OTOA: variants seen among roughly 807,000 people sequenced by gnomAD.
OTOA encodes cancer/testis antigen 108.
OTOA carries 70 observed loss-of-function variants against 110.8 expected under a neutral mutation model. The ratio of observed to expected loss-of-function variants is 0.63; its 90% confidence interval spans 0.52 to 0.77. The LOEUF (loss-of-function observed/expected upper bound fraction) is 0.77, where lower values mean the gene tolerates loss of function less well. Ranked by LOEUF, OTOA falls within the 30% of genes least tolerant of loss-of-function variation. OTOA has a pLI of 0.00. For missense variants in OTOA, 917 were observed against 1,075.8 expected, an observed-to-expected ratio of 0.85 and a Z score of 2.06; for synonymous variants, 373 against 431.5, an observed-to-expected ratio of 0.86 and a Z score of 1.68.
rs464674 is a variant in OTOA at position 21,736,703 on chromosome 16, T to C, written c.2431+313T>C. Among the ~76,000 whole-genome samples, 21,351 of 148,986 alleles carry C rather than the reference T, an allele frequency of 0.14. 2,047 individuals are homozygous for C. The highest frequency in any genetic ancestry group is 0.32 in the East Asian group (1,399 of 4,426). On this transcript the variant is annotated intron_variant, in intron 22 of 28. Coordinates refer to ENST00000646100, the MANE Select transcript of OTOA (RefSeq NM_144672.4). ...AAAATTAGCCGGGTGTGGTGGTGCA[T>C]ACCTGTAGTCTCAGCTACTCAGGAG... is the stretch of plus-strand genomic sequence containing the variant.
chr16:21,699,678 G>A (rs978526360), intron 10 of OTOA, among the ~76,000 whole-genome samples: 4 of 152,130 alleles, frequency 2.6e-5, no homozygotes, highest in Non-Finnish European at 4.4e-5. Flanking sequence ...CAGCACTTTG[G>A]GAGGCTGAGG....
At chr16:21,689,086 G>C (rs944497268) in intron 8 of OTOA, among the ~76,000 whole-genome samples, 4 of 152,050 alleles carry the variant, frequency 2.6e-5, no homozygotes, top group Non-Finnish European at 5.9e-5. Flanking sequence ...CCAAATTCGA[G>C]GATTGTGTCT....
At chr16:21,722,780 A>C in intron 17 of OTOA, 125 bp from the exon 18 acceptor site, 1 of 811,458 alleles carries the variant, frequency 1.2e-6, no homozygotes, top group Non-Finnish European at 2.1e-6. Context: ...TACTTACATC[A>C]TAGGGTGCTC....
At chr16:21,695,891 A>ATATATATTTTTTTTT (rs569493650) in intron 9 of OTOA, among the ~76,000 whole-genome samples, 2 of 41,898 alleles carry the variant, frequency 4.8e-5, no homozygotes, top group African/African-American at 1.5e-4. Context: ...ATATATATAT[A>ATATATATTTTTTTTT]TTTTTTTTTT....
chr16:21,714,985 G>C lies in OTOA; in HGVS notation c.1321G>C (p.Val441Leu), dbSNP rs771476051. Reference sequence around the variant, plus strand: ...GACTGCGCAGCCGCTCCTCTTCCAGGTGCTGTCTTTCTACAATGTCAGCCA... The same window carrying C: ...GACTGCGCAGCCGCTCCTCTTCCAGCTGCTGTCTTTCTACAATGTCAGCCA... ...LSAKYLAHEKVLSFYNVSQMG... is the reference protein window; with the variant it reads ...LSAKYLAHEKLLSFYNVSQMG... Residue 441 changes from valine (V) to leucine (L), a missense_variant and splice_region_variant, in exon 14 of 29, where the codon GTG becomes CTG. Transcript: ENST00000646100. The C allele has an allele frequency of 1.2e-6, 2 of 1,614,010 alleles. No individual in the cohort carries two copies. Among genetic ancestry groups the C allele is most frequent in the East Asian group, 4.5e-5 (2 of 44,896 alleles).
intron 21 of OTOA, among the ~76,000 whole-genome samples, chr16:21,731,220 G>A (rs1010681464): frequency 1.3e-5 from 2 of 152,186 alleles, no homozygotes; most frequent in Admixed American, 6.5e-5. Flanking sequence ...TCACACGCAC[G>A]TCTGTTCTGG....
intron 1 of OTOA, among the ~76,000 whole-genome samples, chr16:21,676,474 A>T (rs749245028): frequency 3.9e-5 from 6 of 152,108 alleles, no homozygotes; most frequent in Admixed American, 1.3e-4. Context: ...TTGGCCTATC[A>T]TGGAGGCAAT....
At chr16:21,681,947 AG>A (rs1966900034) in intron 6 of OTOA, 122 bp downstream of exon 6, 2 of 906,518 alleles carry the variant, frequency 2.2e-6, no homozygotes, top group Non-Finnish European at 1.8e-6. Flanking sequence ...TGCAAGGAAA[AG>A]GGTTCTGTCC....
intron 14 of OTOA, 43 bp from the exon 15 acceptor site, chr16:21,716,864 G>A: frequency 6.2e-7 from 1 of 1,611,960 alleles, no homozygotes; most frequent in South Asian, 1.1e-5. Flanking sequence ...AAAGCTCAAT[G>A]CATTTTTTAC....
At position 21,695,891 on chromosome 16, in the gene OTOA, A is replaced by ATATATATATTTTTTT. The variant is rs569493650; in HGVS notation, c.740-1883_740-1882insATATATATTTTTTTT. Among the ~76,000 whole-genome samples the ATATATATATTTTTTT allele has an allele frequency of 1.4e-4, 6 of 41,896 alleles. 1 individual carries two copies. The highest frequency in any genetic ancestry group is 5.8e-4 in the African/African-American group (4 of 6,838). The allele number at this position is 41,896 out of a possible 152,430, so 27.5% of individuals were successfully genotyped here. A position where few individuals can be genotyped will look rare whatever the true frequency, so the allele number is the denominator to read the frequency against. ...GATATATATATATATATATATATAT[A>ATATATATATTTTTTT]TTTTTTTTTTTTTTTTTTTCTGAGA... On this transcript the variant is annotated intron_variant, in intron 9 of 28. Coordinates refer to ENST00000646100, the MANE Select transcript of OTOA (RefSeq NM_144672.4).
chr16:21,723,058 C>T (rs1898808736), intron 18 of OTOA, 80 bp downstream of exon 18: 3 of 1,473,018 alleles, frequency 2.0e-6, no homozygotes, highest in Admixed American at 3.4e-5. Context: ...ATTCTCTCCC[C>T]ACTGGGTTTT....
chr16:21,728,006 A>G (rs1387832102), intron 19 of OTOA, among the ~76,000 whole-genome samples: 1 of 152,030 alleles, frequency 6.6e-6, no homozygotes, highest in Non-Finnish European at 1.5e-5. Flanking sequence ...CTGGGACTAC[A>G]GGCATGTGCC....
Position 21,698,633 on chromosome 16 carries a change from C to T in OTOA, c.840+758C>T, listed in dbSNP as rs192151622. On this transcript the variant is annotated intron_variant, in intron 10 of 28. Transcript: ENST00000646100. ...TCAAATGACTGGCCTGTTCAAGGAC[C>T]CATTGACCCAGCAATGTGTGGTTAT... Among the ~76,000 whole-genome samples the T allele has an allele frequency of 3.7e-4, 57 of 152,022 alleles. 1 individual carries two copies. In the East Asian group the frequency reaches 9.7e-3, roughly 26 times the overall value.
At chr16:21,732,304 T>C (rs1899142135) in intron 21 of OTOA, among the ~76,000 whole-genome samples, 1 of 152,222 alleles carries the variant, frequency 6.6e-6, no homozygotes, top group Admixed American at 6.5e-5. Context: ...TTTTTTTTCC[T>C]TCCTTGTTTT....
At chr16:21,697,711 C>A in intron 9 of OTOA, 64 bp from the exon 10 acceptor site, 1 of 1,373,550 alleles carries the variant, frequency 7.3e-7, no homozygotes, top group Non-Finnish European at 1.0e-6. Flanking sequence ...TTGACTATCA[C>A]ATACCAGTGT....
intron 21 of OTOA, among the ~76,000 whole-genome samples, chr16:21,735,582 G>A (rs1899265421): frequency 6.6e-6 from 1 of 151,998 alleles, no homozygotes; most frequent in Non-Finnish European, 1.5e-5. Flanking sequence ...AAAGGGGTAG[G>A]TACACATACA....
At chr16:21,722,400 A>ATATAGTTAAATATAACTG (rs375103632) in intron 17 of OTOA, among the ~76,000 whole-genome samples, 57,191 of 148,296 alleles carry the variant, frequency 0.39, 11,509 homozygotes, top group Admixed American at 0.43. Context: ...GTTAAGCTAT[A>ATATAGTTAAATATAACTG]TATAACTATA....
chr16:21,674,772 G>A (rs556519547), intron 1 of OTOA, among the ~76,000 whole-genome samples: 1 of 150,676 alleles, frequency 6.6e-6, no homozygotes, highest in East Asian at 2.0e-4. Flanking sequence ...TATATACTTT[G>A]ATGATATATC....
intron 1 of OTOA, among the ~76,000 whole-genome samples, chr16:21,665,599 G>C (rs1966839334): frequency 6.6e-6 from 1 of 152,154 alleles, no homozygotes; most frequent in African/African-American, 2.4e-5. Flanking sequence ...GTAAATGGCA[G>C]GGAGGAGGGT....
Sources: allele counts gnomAD v4.1 joint callset (sites outside exome capture counted in the v4.1 genomes callset), GRCh38; gene constraint gnomAD v4.1.1; transcripts MANE v1.5; gene names NCBI Gene and HGNC (gene_info 2026-07-23, HGNC 2026-07-21).